Variants in PTGIS observed in about 807,000 individuals in gnomAD.
PTGIS encodes prostacyclin synthase.
Under a neutral mutation model 50.3 loss-of-function variants are expected in PTGIS, and 45 were observed. That is an observed-to-expected ratio of 0.90 (90% CI 0.70 to 1.15). The LOEUF is 1.15. PTGIS is among the 50% of genes most tolerant of loss of function. PTGIS has a pLI of 0.00. For missense variants in PTGIS, 668 were observed against 661.3 expected (o/e 1.01, Z -0.11); for synonymous variants, 260 against 267.7 (o/e 0.97, Z 0.28).
intron 5 of PTGIS, among the ~76,000 whole-genome samples, chr20:49,524,529 G>A (rs1011833417): frequency 5.9e-5 from 9 of 152,190 alleles, no homozygotes; most frequent in South Asian, 2.1e-4. Context: ...CACCCGGCCC[G>A]TAGCAGGTGC....
Position 49,507,768 on chromosome 20 carries a change from TC to T in PTGIS, c.*151del. On this transcript the variant is annotated 3_prime_UTR_variant, in exon 10 of 10. Transcript: ENST00000244043. The stretch of plus-strand genomic sequence containing the variant: ...TTTGTTCACCCTCTTAGCTTTTCCC[TC>T]CCCTGGACCCAGCCTTCTGGGAGAA... 1 of 1,050,836 alleles carries T rather than the reference TC, an allele frequency of 9.5e-7. No individual in the cohort carries two copies. Among genetic ancestry groups the T allele is most frequent in the East Asian group, 2.6e-5 (1 of 38,740 alleles). The allele number at this position is 1,050,836 out of a possible 1,614,324, so 65.1% of individuals were successfully genotyped here.
At position 49,504,018 on chromosome 20, in the gene PTGIS, A is replaced by G. The variant is rs1981069282; in HGVS notation, c.*3902T>C. The G allele has an allele frequency of 6.6e-6, 1 of 152,268 alleles. No individual in the cohort carries two copies. Among genetic ancestry groups the G allele is most frequent in the Non-Finnish European group, 1.5e-5 (1 of 68,042 alleles). 9.4% of individuals were successfully genotyped at this position (152,268 alleles called of 1,614,324 possible). On this transcript the variant is annotated 3_prime_UTR_variant, in exon 10 of 10. Coordinates refer to ENST00000244043, the MANE Select transcript of PTGIS (RefSeq NM_000961.4). ...GTGTTTATTCTTTTTAATCATCAAA[A>G]TCAATGACTTTGGGCAAGACCTGTG...
In PTGIS at chr20:49,555,877, C is replaced by T. The variant is rs975849285; in HGVS notation, c.75-5688G>A. Among the ~76,000 whole-genome samples, 9 of 152,172 alleles carry T rather than the reference C, an allele frequency of 5.9e-5. No individual in the cohort carries two copies. The South Asian group carries it at 1.9e-3, about 32-fold the overall frequency. On this transcript the variant is annotated intron_variant, in intron 1 of 9. Transcript: ENST00000244043. ...GCTTCTGACAACCTTAGAGATTGTG[C>T]CATTGGAATAGGGAGAAAAACTTCC...
In PTGIS at chr20:49,540,240, G is replaced by C. The variant is rs535357106; in HGVS notation, c.522-519C>G. On this transcript the variant is annotated intron_variant, in intron 4 of 9. Transcript: ENST00000244043. The surrounding 1 kb of genome is among the most constrained non-coding windows in gnomAD (Gnocchi z 4.8). ...AGCTCGAGGGGACGGTGCTGAGATG[G>C]GGGCACAGAGAAGGGGAGGAGATGC... Among the ~76,000 whole-genome samples the C allele has an allele frequency of 1.3e-5, 2 of 152,284 alleles. No individual in the cohort carries two copies. The highest frequency in any genetic ancestry group is 6.5e-5 in the Admixed American group (1 of 15,296).
At chr20:49,552,063 C>G (rs1054548050) in intron 1 of PTGIS, among the ~76,000 whole-genome samples, 21 of 152,052 alleles carry the variant, frequency 1.4e-4, no homozygotes, top group African/African-American at 5.1e-4. Flanking sequence ...TGGGGAGAAA[C>G]CTCTGTTTTT....
chr20:49,519,631 A>G (rs951961543), intron 6 of PTGIS, among the ~76,000 whole-genome samples: 1 of 151,706 alleles, frequency 6.6e-6, no homozygotes, highest in Non-Finnish European at 1.5e-5. Context: ...CTGGACCTCA[A>G]ACTTGAACTC....
In PTGIS at chr20:49,513,255, A is replaced by G. The variant is rs754144284; in HGVS notation, c.1031T>C (p.Val344Ala). The stretch of plus-strand genomic sequence containing the variant: ...TGTAAGCCTGAGGCTCTCACTCAGC[A>G]CGCTATCTGCATGGGGCAGGTGCAA... ...VLDSTPVLDS[V>A]LSESLRLTAA... Residue 344 changes from valine to alanine, a missense_variant, in exon 8 of 10, where the codon GTG becomes GCG. Coordinates refer to ENST00000244043, the MANE Select transcript of PTGIS (RefSeq NM_000961.4). 6.2e-7 allele frequency: 1 copy of G among 1,613,480 alleles called. No homozygotes were observed. The highest frequency in any genetic ancestry group is 8.5e-7 in the Non-Finnish European group (1 of 1,179,926).
rs1409467356 is a variant in PTGIS, at chr20:49,544,441, G to T, written c.385C>A (p.Leu129Ile). Reference protein sequence around the residue: ...DEKARMKLTLLHRELQALTEA... With the variant: ...DEKARMKLTLIHRELQALTEA... ...GTGAGTGCCTGGAGCTCTCTGTGGA[G>T]AAGAGTCCTGAGGCAGGAAACAAAA... The change falls in exon 4 of 10, where the codon CTC (leucine) becomes ATC (isoleucine). Residue 129 changes from leucine to isoleucine, a missense_variant. Physicochemically the swap from Leu to Ile is conservative, Grantham distance 5 (BLOSUM62 2). Coordinates refer to ENST00000244043, the MANE Select transcript of PTGIS (RefSeq NM_000961.4). 1.2e-5 allele frequency: 19 copies of T among 1,614,154 alleles called. No homozygotes were observed. The highest frequency in any genetic ancestry group is 1.5e-5 in the Non-Finnish European group (18 of 1,180,008).
chr20:49,539,619 G>A lies in PTGIS; in HGVS notation c.624C>T (p.Arg208=), dbSNP rs746091318. The change falls in exon 5 of 10, where the codon CGC becomes CGT. Residue 208 remains arginine, a synonymous_variant. Transcript: ENST00000244043. ...VHSADVFHTF[R]QLDRLLPKLA... ...GTTTGGGGAGCAGCCGGTCGAGCTG[G>A]CGAAAGGTGTGGAAGACATCAGCTG... The A allele has an allele frequency of 3.0e-5, 49 of 1,614,040 alleles. No homozygotes were observed. The highest frequency in any genetic ancestry group is 4.1e-5 in the Non-Finnish European group (48 of 1,180,006).
chr20:49,565,819 A>T (rs953984930), intron 1 of PTGIS, among the ~76,000 whole-genome samples: 1 of 152,106 alleles, frequency 6.6e-6, no homozygotes, highest in Non-Finnish European at 1.5e-5. Flanking sequence ...GAGATTGGGG[A>T]TCTAAACTGG....
intron 1 of PTGIS, among the ~76,000 whole-genome samples, chr20:49,557,940 G>A (rs1230431057): frequency 1.3e-5 from 2 of 151,876 alleles, no homozygotes; most frequent in East Asian, 3.9e-4. Flanking sequence ...CCTCAAAGTC[G>A]TCTTTGGAGA....
intron 5 of PTGIS, among the ~76,000 whole-genome samples, chr20:49,528,707 G>A (rs1008612602): frequency 6.6e-6 from 1 of 152,202 alleles, no homozygotes; most frequent in African/African-American, 2.4e-5. Context: ...GAGCAGTGTA[G>A]AGGACACACT....
At chr20:49,546,489 C>T (rs1283672836) in intron 3 of PTGIS, among the ~76,000 whole-genome samples, 1 of 152,242 alleles carries the variant, frequency 6.6e-6, no homozygotes, top group African/African-American at 2.4e-5. Flanking sequence ...CCTAGATGCT[C>T]TTCCTAACCT....
chr20:49,513,357 G>A (rs1981379134), intron 7 of PTGIS, 96 bp from the exon 8 acceptor site: 1 of 1,400,886 alleles, frequency 7.1e-7, no homozygotes. Flanking sequence ...AGATGAAGAG[G>A]CTCAGAGAGG....
rs369038695 is a variant in PTGIS, at chr20:49,524,206, C to T, written c.707G>A (p.Arg236His). Residue 236 changes from arginine (R) to histidine (H), a missense_variant, in exon 6 of 10, where the codon CGC becomes CAC. Arg to His is a conservative substitution (Grantham distance 29, BLOSUM62 0). Transcript: ENST00000244043. ...DKDHMCSVKS[R>H]LWKLLSPARL... is the part of the protein sequence containing the mutation. ...GGCTGGGGATAGCAGCTTCCACAGG[C>T]GACTTTTGACACTGCACATGTGGTC... The T allele has an allele frequency of 2.5e-5, 40 of 1,614,090 alleles. No individual in the cohort carries two copies. Among genetic ancestry groups the T allele is most frequent in the South Asian group, 9.9e-5 (9 of 91,086 alleles).
chr20:49,527,206 G>T (rs1981813246), intron 5 of PTGIS, among the ~76,000 whole-genome samples: 2 of 151,876 alleles, frequency 1.3e-5, no homozygotes, highest in Admixed American at 6.6e-5. Context: ...CACCTTGGGA[G>T]GCCAAGGTGG....
chr20:49,536,512 ACT>A (rs766033793), intron 5 of PTGIS, among the ~76,000 whole-genome samples: 127 of 118,026 alleles, frequency 1.1e-3, no homozygotes, highest in Admixed American at 4.0e-3. Flanking sequence ...ACGGAGTCTC[ACT>A]CTGTCGCCCA....
Position 49,539,226 on chromosome 20 carries a change from T to C in PTGIS, c.673+344A>G, listed in dbSNP as rs189500106. Reference sequence around the variant, plus strand: ...TTTTATTCTTCCCTGTAAATTATTCTATATGGCTTGAATTTTTTATAATCA... The same window carrying C: ...TTTTATTCTTCCCTGTAAATTATTCCATATGGCTTGAATTTTTTATAATCA... On this transcript the variant is annotated intron_variant, in intron 5 of 9. Coordinates refer to ENST00000244043, the MANE Select transcript of PTGIS (RefSeq NM_000961.4). Among the ~76,000 whole-genome samples, 875 of 152,314 alleles carry C rather than the reference T, an allele frequency of 5.7e-3. 4 individuals are homozygous for C. Among genetic ancestry groups the C allele is most frequent in the Non-Finnish European group, 6.6e-3 (451 of 68,036 alleles).
At chr20:49,544,576 G>A (rs1242323954) in intron 3 of PTGIS, 128 bp from the exon 4 acceptor site, 3 of 969,456 alleles carry the variant, frequency 3.1e-6, no homozygotes, top group African/African-American at 1.6e-5. Context: ...TCCTGCGGAA[G>A]AGTAGCTTAA....
Sources: gnomAD v4.1 joint callset for allele counts (sites outside exome capture counted in the v4.1 genomes callset) on GRCh38, gnomAD v4.1.1 for gene constraint, Gnocchi (gnomAD v3.1) non-coding constraint, MANE v1.5 for transcripts, NCBI Gene and HGNC (gene_info 2026-07-23, HGNC 2026-07-21) for gene names.